The following RASSF8 variants were observed in gnomAD, a reference collection of about 807,000 sequenced individuals.
RASSF8 encodes the protein Ras association domain family member 8.
RASSF8 carries 22 observed loss-of-function variants against 48.5 expected under a neutral mutation model. That is an observed-to-expected ratio of 0.45 (90% confidence interval 0.32 to 0.65). The LOEUF is 0.65. Among genes scored for constraint, RASSF8 ranks in the 30% least tolerant of loss-of-function variants. The pLI, the probability that RASSF8 is intolerant of heterozygous loss-of-function variation, is 0.03. For missense variants in RASSF8, 418 were observed against 489.2 expected (o/e 0.85, Z 1.37); for synonymous variants, 127 against 171.5 (o/e 0.74, Z 2.03).
intron 1 of RASSF8, among the ~76,000 whole-genome samples, chr12:25,967,197 T>C (rs962592503): frequency 6.6e-6 from 1 of 152,238 alleles, no homozygotes; most frequent in African/African-American, 2.4e-5. Context: ...ATAATGTGTT[T>C]TTGTCACGTT....
At chr12:26,021,192 A>T (rs1009873258) in intron 2 of RASSF8, among the ~76,000 whole-genome samples, 5 of 152,200 alleles carry the variant, frequency 3.3e-5, no homozygotes, top group African/African-American at 7.2e-5. Flanking sequence ...TTCAAAAAAA[A>T]AATAATAAAA....
intron 3 of RASSF8, among the ~76,000 whole-genome samples, chr12:26,059,266 A>G (rs530949684): frequency 1.3e-5 from 2 of 152,356 alleles, no homozygotes; most frequent in African/African-American, 4.8e-5. Flanking sequence ...AAGGAAATCA[A>G]GGAGATTGAG....
chr12:25,969,954 C>A (rs1319368416), intron 1 of RASSF8, among the ~76,000 whole-genome samples: 1 of 152,196 alleles, frequency 6.6e-6, no homozygotes, highest in South Asian at 2.1e-4. Flanking sequence ...ACTCACCTCC[C>A]GTCTCTGCTC....
chr12:25,997,037 C>T (rs1942150432), intron 2 of RASSF8, among the ~76,000 whole-genome samples: 1 of 151,938 alleles, frequency 6.6e-6, no homozygotes, highest in African/African-American at 2.4e-5. Context: ...TTTTTTTCCC[C>T]ATAATGATGC....
At chr12:26,010,526 G>T (rs369492053) in intron 2 of RASSF8, among the ~76,000 whole-genome samples, 3 of 152,176 alleles carry the variant, frequency 2.0e-5, no homozygotes, top group African/African-American at 7.2e-5. Context: ...TGATTACCCC[G>T]GCCCTGGGGA....
At chr12:25,999,432 G>A (rs764897626) in intron 2 of RASSF8, among the ~76,000 whole-genome samples, 12 of 152,140 alleles carry the variant, frequency 7.9e-5, no homozygotes, top group Admixed American at 1.3e-4. Context: ...CAACATACTT[G>A]CTGTTATCAG....
At chr12:26,078,934 A>T in intron 5 of RASSF8, 3 of 1,185,848 alleles carry the variant, frequency 2.5e-6, no homozygotes, top group Non-Finnish European at 3.4e-6. Flanking sequence ...CAAAGACCCA[A>T]ACTAAAGCTA....
intron 1 of RASSF8, among the ~76,000 whole-genome samples, chr12:25,961,248 T>C (rs1163767116): frequency 6.6e-6 from 1 of 152,234 alleles, no homozygotes; most frequent in African/African-American, 2.4e-5. Context: ...CTTTTTCTTA[T>C]GGTTAATTCC....
At chr12:25,982,373 A>G (rs1402341934) in intron 1 of RASSF8, among the ~76,000 whole-genome samples, 2 of 152,238 alleles carry the variant, frequency 1.3e-5, no homozygotes, top group Admixed American at 6.5e-5. Flanking sequence ...TGAAAAAGAC[A>G]TAATGGTTTT....
chr12:26,057,100 T>TTGTGTGTGTGTG (rs57510363), intron 3 of RASSF8, among the ~76,000 whole-genome samples: 3,803 of 128,908 alleles, frequency 0.03, 149 homozygotes, highest in African/African-American at 0.089. Flanking sequence ...AATGACACTT[T>TTGTGTGTGTGTG]TGTGTGTGTG....
chr12:26,017,280 A>G (rs1942673854), intron 2 of RASSF8, among the ~76,000 whole-genome samples: 1 of 152,206 alleles, frequency 6.6e-6, no homozygotes, highest in South Asian at 2.1e-4. Flanking sequence ...TTGTCCAATC[A>G]GGAGAGAGAA....
chr12:26,011,302 A>ATTTT (rs1942518819), intron 2 of RASSF8, among the ~76,000 whole-genome samples: 1 of 152,186 alleles, frequency 6.6e-6, no homozygotes, highest in Admixed American at 6.5e-5. Flanking sequence ...TACTGACTGT[A>ATTTT]GCCAGGATTG....
intron 1 of RASSF8, among the ~76,000 whole-genome samples, chr12:25,985,226 T>C (rs1941844106): frequency 6.6e-6 from 1 of 152,222 alleles, no homozygotes; most frequent in Admixed American, 6.5e-5. Flanking sequence ...GCTAAAGGTT[T>C]TTTGTGTGTG....
chr12:25,972,635 A>G (rs573816698), intron 1 of RASSF8, among the ~76,000 whole-genome samples: 1 of 152,336 alleles, frequency 6.6e-6, no homozygotes, highest in East Asian at 1.9e-4. Flanking sequence ...ACAAGATTGT[A>G]CACAGAAGGT....
intron 2 of RASSF8, among the ~76,000 whole-genome samples, chr12:25,999,881 T>G (rs533567993): frequency 6.6e-5 from 10 of 152,318 alleles, no homozygotes; most frequent in Non-Finnish European, 7.4e-5. Context: ...TTAAACTCGG[T>G]AAGAAATGCA....
intron 1 of RASSF8, among the ~76,000 whole-genome samples, chr12:25,967,041 C>T (rs936983376): frequency 3.9e-5 from 6 of 152,168 alleles, no homozygotes; most frequent in African/African-American, 1.4e-4. Flanking sequence ...ATTGAATTGC[C>T]TTTGCACCCT....
At chr12:25,966,034 T>C (rs959903483) in intron 1 of RASSF8, among the ~76,000 whole-genome samples, 1 of 152,242 alleles carries the variant, frequency 6.6e-6, no homozygotes, top group Non-Finnish European at 1.5e-5. Context: ...CTTTCATTTA[T>C]CTTGGGTAAG....
chr12:26,065,354 A>G lies in RASSF8; in HGVS notation c.960A>G (p.Glu320=). 1 of 1,613,782 alleles carries G rather than the reference A, an allele frequency of 6.2e-7. No individual in the cohort carries two copies. Among genetic ancestry groups the G allele is most frequent in the Non-Finnish European group, 8.5e-7 (1 of 1,179,830 alleles). ...LRLENGIKAV[E]RSLGQATKRL... ...TGGAAAATGGCATCAAAGCTGTGGA[A>G]AGATCTCTTGGACAAGCCACCAAAC... Residue 320 remains glutamate, a synonymous_variant, in exon 4 of 6, where the codon GAA becomes GAG. Transcript: ENST00000689635.
At chr12:25,987,456 T>C (rs960591141) in intron 1 of RASSF8, among the ~76,000 whole-genome samples, 4 of 152,230 alleles carry the variant, frequency 2.6e-5, no homozygotes, top group African/African-American at 9.6e-5. Context: ...TGGGATGCTT[T>C]AATTCCATAC....
Sources: allele counts gnomAD v4.1 joint callset (sites outside exome capture counted in the v4.1 genomes callset), GRCh38; gene constraint gnomAD v4.1.1; transcripts MANE v1.5; gene names NCBI Gene and HGNC (gene_info 2026-07-23, HGNC 2026-07-21).